The following SELENOF variants were observed in gnomAD, a reference collection of about 807,000 sequenced individuals.
SELENOF encodes selenoprotein F, also known as 15 kDa selenoprotein.
A neutral mutation model predicts 20.5 loss-of-function variants in SELENOF; 16 were observed. The observed-to-expected ratio is 0.78, with a 90% CI of 0.53 to 1.19. The LOEUF is 1.19. Among genes scored for constraint, SELENOF ranks in the 50% most tolerant of loss-of-function variants. The pLI, the probability that SELENOF is intolerant of heterozygous loss-of-function variation, is 0.00. For missense variants in SELENOF, 215 were observed against 194.2 expected, an observed-to-expected ratio of 1.11 and a Z score of -0.64; for synonymous variants, 78 against 74.5, an observed-to-expected ratio of 1.05 and a Z score of -0.24.
chr1:86,914,028 C>T lies in SELENOF; in HGVS notation c.84G>A (p.Ala28=), dbSNP rs1660065213. Residue 28 remains alanine (A), a splice_region_variant and synonymous_variant, in exon 1 of 5, where the codon GCG becomes GCA. Transcript: ENST00000331835. The part of the protein sequence containing the change: ...LRLLLATVLQ[A]VSAFGAEFSS... ...AGCTGCGAAGGTGATCTACACTCAC[C>T]GCTTGAAGCACAGTCGCCAACAACA... The T allele has an allele frequency of 6.2e-7, 1 of 1,613,700 alleles. No homozygotes were observed. The highest frequency in any genetic ancestry group is 8.5e-7 in the Non-Finnish European group (1 of 1,179,752).
At chr1:86,907,068 T>C (rs1186631485) in intron 1 of SELENOF, among the ~76,000 whole-genome samples, 1 of 152,250 alleles carries the variant, frequency 6.6e-6, no homozygotes, top group African/African-American at 2.4e-5. Flanking sequence ...GTAGCATGAC[T>C]ATGCAAAACA....
At position 86,914,094 on chromosome 1, in the gene SELENOF, A is replaced by G; in HGVS notation, c.18T>C (p.Ala6=). The G allele has an allele frequency of 6.2e-7, 1 of 1,613,998 alleles. No homozygotes were observed. ...CCGGCACCAGACACCCACTCGGCCC[A>G]GCCGCCATCGCTACCATTTTCCGCA... MVAMA[A]GPSGCLVPAF... Residue 6 remains alanine (A), a synonymous_variant, in exon 1 of 5, where the codon GCT becomes GCC. Transcript: ENST00000331835.
At chr1:86,913,401 C>T (rs576330091) in intron 1 of SELENOF, among the ~76,000 whole-genome samples, 1 of 125,046 alleles carries the variant, frequency 8.0e-6, no homozygotes, top group Non-Finnish European at 1.6e-5. Flanking sequence ...AAAAACGCTG[C>T]CTTAAAGAAG....
intron 2 of SELENOF, among the ~76,000 whole-genome samples, chr1:86,891,530 T>C (rs1444495984): frequency 1.3e-5 from 2 of 152,240 alleles, no homozygotes; most frequent in African/African-American, 2.4e-5. Context: ...GTTTTGAGCA[T>C]TGCAGTCTGC....
intron 2 of SELENOF, chr1:86,887,011 C>T (rs1270311148): frequency 2.6e-5 from 21 of 816,416 alleles, no homozygotes; most frequent in Non-Finnish European, 3.4e-5. Flanking sequence ...CACACAGAAA[C>T]TATTTTTAGC....
intron 2 of SELENOF, among the ~76,000 whole-genome samples, chr1:86,895,349 T>C (rs887892245): frequency 1.3e-4 from 20 of 152,244 alleles, no homozygotes; most frequent in African/African-American, 4.1e-4. Flanking sequence ...GCTTTTATCA[T>C]CAGCAAACCA....
intron 2 of SELENOF, among the ~76,000 whole-genome samples, chr1:86,884,055 T>C (rs1659146396): frequency 2.0e-5 from 3 of 152,204 alleles, no homozygotes; most frequent in Admixed American, 2.0e-4. Flanking sequence ...GTGCATCAAA[T>C]AGCCTGTAAC....
At chr1:86,899,652 T>C (rs1188592110) in intron 2 of SELENOF, among the ~76,000 whole-genome samples, 7 of 120,908 alleles carry the variant, frequency 5.8e-5, no homozygotes, top group South Asian at 3.0e-4. Context: ...GACCCCCCCA[T>C]CTCCCTCCCG....
At chr1:86,895,994 G>A (rs144987087) in intron 2 of SELENOF, among the ~76,000 whole-genome samples, 22 of 152,308 alleles carry the variant, frequency 1.4e-4, no homozygotes, top group Admixed American at 8.5e-4. Context: ...TTGGGAGGCC[G>A]AGGGGAGTGG....
At chr1:86,907,715 G>A (rs1249882335) in intron 1 of SELENOF, among the ~76,000 whole-genome samples, 1 of 152,134 alleles carries the variant, frequency 6.6e-6, no homozygotes. Context: ...TGGATGCGGT[G>A]GCTCACATCT....
chr1:86,870,785 ATTT>A (rs891722042), intron 3 of SELENOF, among the ~76,000 whole-genome samples: 1 of 151,432 alleles, frequency 6.6e-6, no homozygotes. Flanking sequence ...CGCACAGCTA[ATTT>A]TTTTTTATTT....
At chr1:86,910,036 A>C (rs1243087078) in intron 1 of SELENOF, among the ~76,000 whole-genome samples, 3 of 152,242 alleles carry the variant, frequency 2.0e-5, no homozygotes, top group Non-Finnish European at 4.4e-5. Flanking sequence ...ATTACATCTA[A>C]CTTTGCAAGT....
rs1056108966 is a variant in SELENOF at position 86,900,599 on chromosome 1, C to A, written c.252+2682G>T. ...CGTGGAAAGAGAGGGAGAGGGAGAC[C>A]GTGGGGAGAGGGAGACCGTGGGGAG... On this transcript the variant is annotated intron_variant, in intron 2 of 4. Transcript: ENST00000331835. 5.3e-5 allele frequency among the ~76,000 whole-genome samples: 8 copies of A among 150,242 alleles called. No homozygotes were observed. In the East Asian group the frequency reaches 1.6e-3, roughly 30 times the overall value.
At chr1:86,890,557 A>G (rs1013611624) in intron 2 of SELENOF, among the ~76,000 whole-genome samples, 3 of 152,106 alleles carry the variant, frequency 2.0e-5, no homozygotes, top group Non-Finnish European at 2.9e-5. Context: ...TGGTGTGACC[A>G]TGGATCACTG....
intron 4 of SELENOF, among the ~76,000 whole-genome samples, chr1:86,866,786 A>G (rs1658609830): frequency 6.6e-6 from 1 of 152,208 alleles, no homozygotes; most frequent in Admixed American, 6.5e-5. Flanking sequence ...AACAACTAAA[A>G]TCCAAAACAG....
At chr1:86,863,797 T>TA (rs748820829) in intron 4 of SELENOF, among the ~76,000 whole-genome samples, 192 bp from the exon 5 acceptor site, 1 of 145,136 alleles carries the variant, frequency 6.9e-6, no homozygotes, top group Non-Finnish European at 1.5e-5. Context: ...AAAGGAGAAT[T>TA]AAAAAAATCA....
At chr1:86,878,543 G>A (rs1247100817) in intron 3 of SELENOF, among the ~76,000 whole-genome samples, 3 of 152,208 alleles carry the variant, frequency 2.0e-5, no homozygotes, top group East Asian at 3.9e-4. Flanking sequence ...TTAGCTGGGT[G>A]TGGTGGCGTG....
intron 3 of SELENOF, among the ~76,000 whole-genome samples, chr1:86,873,769 T>C (rs1478178583): frequency 6.6e-6 from 1 of 151,420 alleles, no homozygotes; most frequent in Non-Finnish European, 1.5e-5. Flanking sequence ...GGAAAATCAC[T>C]TGAACCCAGA....
intron 1 of SELENOF, among the ~76,000 whole-genome samples, chr1:86,905,010 G>A (rs920846622): frequency 3.9e-5 from 6 of 152,180 alleles, no homozygotes; most frequent in African/African-American, 9.6e-5. Flanking sequence ...ATCACATTTA[G>A]GTGTTGAATA....
Sources: allele counts gnomAD v4.1 joint callset (sites outside exome capture counted in the v4.1 genomes callset), GRCh38; gene constraint gnomAD v4.1.1; transcripts MANE v1.5; gene names NCBI Gene and HGNC (gene_info 2026-07-23, HGNC 2026-07-21).